Variants in PTPRD observed in about 807,000 individuals in gnomAD.
PTPRD encodes the protein protein tyrosine phosphatase receptor type D.
Under a neutral mutation model 214.5 loss-of-function variants are expected in PTPRD, and 34 were observed. The ratio of observed to expected loss-of-function variants is 0.16; its 90% CI spans 0.12 to 0.21. The LOEUF (loss-of-function observed/expected upper bound fraction) is 0.21, where lower values mean the gene tolerates loss of function less well. Ranked by LOEUF, PTPRD falls within the 10% of genes least tolerant of loss-of-function variation. The pLI is 1.00. For missense variants in PTPRD, 2,545 were observed against 2,398.7 expected, an observed-to-expected ratio of 1.06 and a Z score of -1.27; for synonymous variants, 1,128 against 845.7, an observed-to-expected ratio of 1.33 and a Z score of -5.79.
At chr9:9,898,436 GTTT>G (rs530464310) in intron 5 of PTPRD, among the ~76,000 whole-genome samples, 1 of 151,988 alleles carries the variant, frequency 6.6e-6, no homozygotes, top group Non-Finnish European at 1.5e-5. Context: ...ACTGAAATGA[GTTT>G]TTTTCAGATA....
intron 10 of PTPRD, among the ~76,000 whole-genome samples, chr9:9,035,648 T>C (rs1295768458): frequency 1.3e-5 from 2 of 152,148 alleles, no homozygotes; most frequent in East Asian, 1.9e-4. Context: ...AGATAGACTT[T>C]ATGCCCAATG....
At chr9:8,548,123 G>A (rs188102410) in intron 14 of PTPRD, among the ~76,000 whole-genome samples, 145 of 152,304 alleles carry the variant, frequency 9.5e-4, no homozygotes, top group African/African-American at 3.5e-3. Flanking sequence ...TGATAGAAAT[G>A]TAGTAAAGGG....
rs756926808 is a variant in PTPRD at position 9,245,067 on chromosome 9, C to T, written c.-202-61704G>A. Among the ~76,000 whole-genome samples the T allele has an allele frequency of 1.8e-3, 268 of 152,204 alleles. 1 individual carries two copies. The highest frequency in any genetic ancestry group is 3.4e-3 in the Middle Eastern group (1 of 294). On this transcript the variant is annotated intron_variant, in intron 9 of 45. Transcript: ENST00000381196. ...ATCATCACTGGCCATCAGAGAAATG[C>T]AAATCAAAACCACAATGAGATATCG...
chr9:9,090,858 A>C, intron 10 of PTPRD: 1 of 873,942 alleles, frequency 1.1e-6, no homozygotes, highest in Non-Finnish European at 1.9e-6. Context: ...GACAGGTTAA[A>C]AATTTCTTTA....
At chr9:10,442,445 T>C (rs993290576) in intron 2 of PTPRD, among the ~76,000 whole-genome samples, 6 of 151,538 alleles carry the variant, frequency 4.0e-5, no homozygotes, top group Admixed American at 2.0e-4. Context: ...ATAAGTTTGA[T>C]CCGATATTGG....
chr9:8,355,178 A>C (rs146061988), intron 39 of PTPRD, among the ~76,000 whole-genome samples: 321 of 152,206 alleles, frequency 2.1e-3, no homozygotes, highest in African/African-American at 6.6e-3. Flanking sequence ...TGTTTAAAAT[A>C]GTGCGGCACC....
chr9:9,774,120 C>T (rs2098776943), intron 5 of PTPRD, among the ~76,000 whole-genome samples: 1 of 152,148 alleles, frequency 6.6e-6, no homozygotes, highest in African/African-American at 2.4e-5. Flanking sequence ...ACTGACAATG[C>T]TAAGGATATC....
rs188462279 is a variant in PTPRD, at chr9:10,291,636, C to T, written c.-545+49327G>A. 1.3e-4 allele frequency among the ~76,000 whole-genome samples: 18 copies of T among 136,670 alleles called. 1 individual carries two copies. In the East Asian group the frequency reaches 3.4e-3, roughly 26 times the overall value. 89.7% of individuals were successfully genotyped at this position (136,670 alleles called of 152,430 possible). The stretch of plus-strand genomic sequence containing the variant: ...AAGCCAAGAAACGCAGGTCTAGATT[C>T]TGGGAACAGAAAAGGAACCAAATTC... On this transcript the variant is annotated intron_variant, in intron 3 of 45. Coordinates refer to ENST00000381196, the MANE Select transcript of PTPRD (RefSeq NM_002839.4).
chr9:9,950,381 T>G lies in PTPRD; in HGVS notation c.-471-11771A>C, dbSNP rs146180863. 6.2e-4 allele frequency among the ~76,000 whole-genome samples: 95 copies of G among 152,288 alleles called. No individual in the cohort carries two copies. In the East Asian group the frequency reaches 0.015, roughly 24 times the overall value. Reference sequence around the variant, plus strand: ...GAAGCTGGTGGAGAAATTTCTCACTTTTCTTTATTTGGACCAACTGTCTTA... The same window carrying G: ...GAAGCTGGTGGAGAAATTTCTCACTGTTCTTTATTTGGACCAACTGTCTTA... On this transcript the variant is annotated intron_variant, in intron 4 of 45. Transcript: ENST00000381196.
rs2094902001 is a variant in PTPRD at position 9,968,908 on chromosome 9, A to G, written c.-471-30298T>C. Among the ~76,000 whole-genome samples the G allele has an allele frequency of 2.0e-5, 3 of 152,328 alleles. No homozygotes were observed. The South Asian group carries it at 6.2e-4, about 32-fold the overall frequency. On this transcript the variant is annotated intron_variant, in intron 4 of 45. Transcript: ENST00000381196. ...CTGAATAAGTTATTAAGAATTCTTC[A>G]TTGAGCAACTACTACTGACCAGTAA... is the stretch of plus-strand genomic sequence containing the variant.
chr9:9,162,244 T>C (rs1047330795), intron 10 of PTPRD, among the ~76,000 whole-genome samples: 1 of 152,134 alleles, frequency 6.6e-6, no homozygotes, highest in South Asian at 2.1e-4. Flanking sequence ...CCAATATACA[T>C]TCATGATTGC....
At chr9:8,483,060 G>A (rs1444202844) in intron 30 of PTPRD, among the ~76,000 whole-genome samples, 3 of 152,114 alleles carry the variant, frequency 2.0e-5, no homozygotes, top group Non-Finnish European at 2.9e-5. Context: ...TTTATTCCCC[G>A]GAGTCTACCA....
At chr9:9,816,477 T>C (rs1027024027) in intron 5 of PTPRD, among the ~76,000 whole-genome samples, 4 of 152,070 alleles carry the variant, frequency 2.6e-5, no homozygotes, top group Admixed American at 2.0e-4. Flanking sequence ...TCTCACTATT[T>C]GAACAATATA....
chr9:8,462,089 T>C (rs367593884), intron 32 of PTPRD, among the ~76,000 whole-genome samples: 1 of 152,076 alleles, frequency 6.6e-6, no homozygotes, highest in Non-Finnish European at 1.5e-5. Flanking sequence ...AGATACTCTA[T>C]GAAATCCCAG....
At chr9:9,480,549 T>A (rs560665781) in intron 8 of PTPRD, among the ~76,000 whole-genome samples, 8 of 152,110 alleles carry the variant, frequency 5.3e-5, no homozygotes, top group Non-Finnish European at 1.2e-4. Flanking sequence ...TTAAAAAAAA[T>A]GTTAGATTTC....
intron 12 of PTPRD, among the ~76,000 whole-genome samples, chr9:8,675,874 G>C (rs1346261358): frequency 6.6e-6 from 1 of 152,146 alleles, no homozygotes; most frequent in Admixed American, 6.6e-5. Flanking sequence ...AGTGAAGTCA[G>C]AGTATGTTTT....
At chr9:8,708,528 A>C (rs1017710730) in intron 12 of PTPRD, among the ~76,000 whole-genome samples, 3 of 151,820 alleles carry the variant, frequency 2.0e-5, no homozygotes. Flanking sequence ...ATACAAAAAA[A>C]ATTAGCTGGG....
At chr9:10,148,041 G>C (rs1211468334) in intron 3 of PTPRD, among the ~76,000 whole-genome samples, 7 of 152,110 alleles carry the variant, frequency 4.6e-5, no homozygotes, top group Admixed American at 2.6e-4. Flanking sequence ...AGAGAAATAC[G>C]ACTTTCTAAA....
intron 11 of PTPRD, among the ~76,000 whole-genome samples, chr9:8,875,829 A>G (rs756193812): frequency 3.9e-5 from 6 of 152,160 alleles, no homozygotes; most frequent in Non-Finnish European, 8.8e-5. Flanking sequence ...CTTTGTGCAT[A>G]TGCCTTAACT....
Sources: gnomAD v4.1 joint callset for allele counts (sites outside exome capture counted in the v4.1 genomes callset) on GRCh38, gnomAD v4.1.1 for gene constraint, MANE v1.5 for transcripts, NCBI Gene and HGNC (gene_info 2026-07-23, HGNC 2026-07-21) for gene names.